Variants in AHCYL2 observed in about 807,000 individuals in gnomAD.
AHCYL2 encodes S-adenosylhomocysteine hydrolase-like protein 2.
Under a neutral mutation model 81.4 loss-of-function variants are expected in AHCYL2, and 28 were observed. The observed-to-expected ratio is 0.34, with a 90% CI of 0.25 to 0.47. The LOEUF is 0.47. AHCYL2 is among the 20% of genes least tolerant of loss of function. The probability of loss-of-function intolerance (pLI) is 1.00; values close to 1 mark genes in which losing one functional copy is unlikely to be tolerated. For synonymous variants in AHCYL2, 272 were observed against 290.2 expected (o/e 0.94, Z 0.64); for missense variants, 551 against 785.1 (o/e 0.70, Z 3.56).
At chr7:129,228,067 T>C (rs558691921) in intron 1 of AHCYL2, among the ~76,000 whole-genome samples, 1 of 152,370 alleles carries the variant, frequency 6.6e-6, no homozygotes, top group African/African-American at 2.4e-5. Flanking sequence ...TTGTTGATTC[T>C]TAGATTGTCT....
chr7:129,237,820 G>C (rs544429433), intron 1 of AHCYL2, among the ~76,000 whole-genome samples: 20 of 152,092 alleles, frequency 1.3e-4, no homozygotes, highest in African/African-American at 4.8e-4. Context: ...CCATCTCCCG[G>C]GTTCAAGCAA....
chr7:129,422,788 C>T (rs1797174594), intron 12 of AHCYL2, 52 bp from the exon 13 acceptor site: 3 of 1,538,108 alleles, frequency 2.0e-6, no homozygotes, highest in South Asian at 1.1e-5. Context: ...TCTTTCTGTT[C>T]CCACAGTGGG....
At chr7:129,409,023 CTA>C (rs1307298756) in intron 10 of AHCYL2, among the ~76,000 whole-genome samples, 7 of 151,856 alleles carry the variant, frequency 4.6e-5, no homozygotes, top group African/African-American at 1.7e-4. Context: ...CTGTAGTGCA[CTA>C]TGATTATGCC....
intron 6 of AHCYL2, 49 bp downstream of exon 6, chr7:129,400,433 A>G (rs774646261): frequency 5.1e-6 from 8 of 1,564,876 alleles, no homozygotes; most frequent in Non-Finnish European, 7.0e-6. Context: ...AGGAATGGGG[A>G]TGGGTGGAGG....
At chr7:129,276,640 T>C (rs1221575401) in intron 1 of AHCYL2, among the ~76,000 whole-genome samples, 3 of 150,266 alleles carry the variant, frequency 2.0e-5, no homozygotes, top group African/African-American at 7.3e-5. Context: ...TCCCAGCTAC[T>C]TGGGAGGCTG....
At chr7:129,395,997 G>T (rs1183474164) in intron 4 of AHCYL2, among the ~76,000 whole-genome samples, 2 of 152,170 alleles carry the variant, frequency 1.3e-5, no homozygotes, top group African/African-American at 2.4e-5. Flanking sequence ...TCTTTGGAGG[G>T]CAGTTCACTT....
chr7:129,364,437 C>G (rs1009445564), intron 1 of AHCYL2, among the ~76,000 whole-genome samples: 1 of 151,990 alleles, frequency 6.6e-6, no homozygotes, highest in Non-Finnish European at 1.5e-5. Context: ...ATTTTAGGCA[C>G]GGGCCACTGC....
At chr7:129,340,133 A>G (rs1793118732) in intron 1 of AHCYL2, among the ~76,000 whole-genome samples, 1 of 145,462 alleles carries the variant, frequency 6.9e-6, no homozygotes, top group African/African-American at 2.5e-5. Context: ...CGTGTTAGCC[A>G]GGATGGTCTC....
At chr7:129,296,192 ATT>A (rs1797046074) in intron 1 of AHCYL2, among the ~76,000 whole-genome samples, 1 of 152,286 alleles carries the variant, frequency 6.6e-6, no homozygotes. Flanking sequence ...TTATCACTAT[ATT>A]TAGGAGAAAA....
chr7:129,299,464 G>T (rs1007670258), intron 1 of AHCYL2, among the ~76,000 whole-genome samples: 1 of 131,244 alleles, frequency 7.6e-6, no homozygotes, highest in South Asian at 2.6e-4. Flanking sequence ...CGCGATCTCG[G>T]CTCACTGCAA....
chr7:129,397,164 C>T, intron 4 of AHCYL2, 58 bp from the exon 5 acceptor site: 3 of 1,379,270 alleles, frequency 2.2e-6, no homozygotes, highest in East Asian at 4.6e-5. Flanking sequence ...TAAACTTTAT[C>T]TCCTTGACTA....
At chr7:129,335,660 T>G (rs1584795607) in intron 1 of AHCYL2, among the ~76,000 whole-genome samples, 1 of 152,330 alleles carries the variant, frequency 6.6e-6, no homozygotes, top group East Asian at 1.9e-4. Context: ...CTCATTCACA[T>G]GGCTGGCAGT....
chr7:129,235,288 G>A (rs1468997994), intron 1 of AHCYL2, among the ~76,000 whole-genome samples: 1 of 150,258 alleles, frequency 6.7e-6, no homozygotes, highest in Non-Finnish European at 1.5e-5. Context: ...ATCTCACTGT[G>A]TTGCTCAGGC....
intron 1 of AHCYL2, chr7:129,377,646 T>C (rs753609555): frequency 2.2e-6 from 1 of 456,442 alleles, no homozygotes; most frequent in Non-Finnish European, 4.4e-6. Flanking sequence ...GTCAGACCTT[T>C]GATCATTTTC....
At chr7:129,399,557 C>T (rs928352488) in intron 5 of AHCYL2, among the ~76,000 whole-genome samples, 9 of 151,866 alleles carry the variant, frequency 5.9e-5, no homozygotes, top group African/African-American at 1.2e-4. Context: ...ATTCTAGTAA[C>T]GTTTTAGCAA....
chr7:129,397,158 C>A, intron 4 of AHCYL2, 64 bp from the exon 5 acceptor site: 2 of 1,360,600 alleles, frequency 1.5e-6, no homozygotes, highest in Non-Finnish European at 1.0e-6. Flanking sequence ...AATATATAAA[C>A]TTTATCTCCT....
At position 129,400,388 on chromosome 7, in the gene AHCYL2, G is replaced by A; in HGVS notation, c.918+4G>A. ...GGAGGGCTGGCAGCCAAACATGGTGGGTCAGATTTCTGCTAACACAATTCT... is the reference window on the plus strand; with the variant it reads ...GGAGGGCTGGCAGCCAAACATGGTGAGTCAGATTTCTGCTAACACAATTCT... On this transcript the variant is annotated splice_donor_region_variant and intron_variant, in intron 6 of 16. Transcript: ENST00000325006. The A allele has an allele frequency of 6.2e-7, 1 of 1,612,336 alleles. No homozygotes were observed. Among genetic ancestry groups the A allele is most frequent in the Non-Finnish European group, 8.5e-7 (1 of 1,178,886 alleles).
Position 129,406,343 on chromosome 7 carries a change from C to T in AHCYL2, c.1207-35C>T. 1 of 1,598,386 alleles carries T rather than the reference C, an allele frequency of 6.3e-7. No individual in the cohort carries two copies. The highest frequency in any genetic ancestry group is 8.6e-7 in the Non-Finnish European group (1 of 1,166,298). ...CTTTGAGAAATGGTTTTCTCAGTGA[C>T]TTTCCTTAATATGTGTGCTCTCTCC... On this transcript the variant is annotated intron_variant, in intron 9 of 16. Coordinates refer to ENST00000325006, the MANE Select transcript of AHCYL2 (RefSeq NM_015328.4). The surrounding 1 kb of genome is among the most constrained non-coding windows in gnomAD (Gnocchi z 4.3).
chr7:129,405,954 T>G (rs1584892194), intron 9 of AHCYL2, 55 bp downstream of exon 9: 2 of 1,563,224 alleles, frequency 1.3e-6, no homozygotes, highest in Non-Finnish European at 1.8e-6. Flanking sequence ...GTTGAAATAT[T>G]CTGGAATTTT....
Sources: gnomAD v4.1 joint callset for allele counts (sites outside exome capture counted in the v4.1 genomes callset) on GRCh38, gnomAD v4.1.1 for gene constraint, Gnocchi (gnomAD v3.1) non-coding constraint, MANE v1.5 for transcripts, NCBI Gene and HGNC (gene_info 2026-07-23, HGNC 2026-07-21) for gene names.